The following BAZ2B variants were observed in gnomAD, a reference collection of about 807,000 sequenced individuals.
The protein encoded by BAZ2B is bromodomain adjacent to zinc finger domain 2B, also known as bromodomain adjacent to zinc finger domain protein 2B.
BAZ2B carries 91 observed loss-of-function variants against 246.0 expected under a neutral mutation model. The observed-to-expected ratio is 0.37, with a 90% confidence interval of 0.31 to 0.44. The LOEUF (loss-of-function observed/expected upper bound fraction) is 0.44. Ranked by LOEUF, BAZ2B falls within the 20% of genes least tolerant of loss-of-function variation. The pLI is 1.00. For missense variants in BAZ2B, 2,332 were observed against 2,533.7 expected, an observed-to-expected ratio of 0.92 and a Z score of 1.71; for synonymous variants, 855 against 860.0, an observed-to-expected ratio of 0.99 and a Z score of 0.10.
At chr2:159,706,084 A>AACACACACACACACACACACACACACAC in the BAZ2B span, among the ~76,000 whole-genome samples, 100 of 149,766 alleles carry the variant, frequency 6.7e-4, no homozygotes, top group Non-Finnish European at 1.1e-3. Flanking sequence ...AAACATATAT[A>AACACACACACACACACACACACACACAC]ACACACACAC....
rs1327272762 is a variant in BAZ2B at position 159,480,073 on chromosome 2, T to C, written c.-2-1352A>G. Among the ~76,000 whole-genome samples, 7 of 152,272 alleles carry C rather than the reference T, an allele frequency of 4.6e-5. No individual in the cohort carries two copies. In the East Asian group the frequency reaches 5.8e-4, roughly 13 times the overall value. ...ACAGTAACTAATGAACTCTGAGACA[T>C]GTGGCTGTCTGATGGTAAGGCCCAT... On this transcript the variant is annotated intron_variant, in intron 2 of 36. Transcript: ENST00000392783.
At position 159,438,308 on chromosome 2, in the gene BAZ2B, T is replaced by C; in HGVS notation, c.1288A>G (p.Lys430Glu). ...ATAAATAATTTGTAACTCACCCGTT[T>C]GGATCTCAATTCACTGGTCAATAAA... is the stretch of plus-strand genomic sequence containing the variant. ...SSLLTSELRSKREQYKQAFPS... is the reference protein window; with the variant it reads ...SSLLTSELRSEREQYKQAFPS... Residue 430 changes from lysine to glutamate, a missense_variant, in exon 8 of 37, where the codon AAA becomes GAA. This residue lies in a region of BAZ2B where 651 missense variants were observed against 650.9 expected (regional missense o/e 1.00). Transcript: ENST00000392783. 6.2e-7 allele frequency: 1 copy of C among 1,611,692 alleles called. No individual in the cohort carries two copies. The highest frequency in any genetic ancestry group is 8.5e-7 in the Non-Finnish European group (1 of 1,179,262).
chr2:159,411,262 A>T (rs2066795703), intron 14 of BAZ2B, among the ~76,000 whole-genome samples: 1 of 152,116 alleles, frequency 6.6e-6, no homozygotes, highest in South Asian at 2.1e-4. Context: ...GGCCTCAAAC[A>T]ATCCTCCCAC....
At chr2:159,439,534 A>G (rs1232250594) in intron 6 of BAZ2B, among the ~76,000 whole-genome samples, 1 of 152,234 alleles carries the variant, frequency 6.6e-6, no homozygotes, top group African/African-American at 2.4e-5. Context: ...AATAATTCCA[A>G]CTATGATACA....
intron 4 of BAZ2B, among the ~76,000 whole-genome samples, chr2:159,450,801 CT>C (rs1319027317): frequency 6.6e-6 from 1 of 150,978 alleles, no homozygotes; most frequent in African/African-American, 2.4e-5. Flanking sequence ...GTGCAGTGGC[CT>C]GCTAGGGGCT....
At chr2:159,549,824 C>CTT (rs766811132) in intron 2 of BAZ2B, among the ~76,000 whole-genome samples, 50 of 131,134 alleles carry the variant, frequency 3.8e-4, no homozygotes, top group South Asian at 1.5e-3. Flanking sequence ...TTTTTTCTTT[C>CTT]TTTTTTTTTT....
At chr2:159,440,609 C>T (rs2073215576) in intron 6 of BAZ2B, among the ~76,000 whole-genome samples, 1 of 151,618 alleles carries the variant, frequency 6.6e-6, no homozygotes, top group South Asian at 2.1e-4. Context: ...CTCTGCCTCC[C>T]AGGTTCAAGC....
intron 3 of BAZ2B, among the ~76,000 whole-genome samples, chr2:159,475,265 T>G (rs547181705): frequency 1.6e-4 from 25 of 152,330 alleles, no homozygotes; most frequent in African/African-American, 4.8e-4. Flanking sequence ...TCATTGTTTT[T>G]TCTCTAATCT....
At chr2:159,552,570 C>T (rs1449551050) in intron 2 of BAZ2B, among the ~76,000 whole-genome samples, 1 of 152,132 alleles carries the variant, frequency 6.6e-6, no homozygotes, top group Non-Finnish European at 1.5e-5. Flanking sequence ...GAAGTCACAT[C>T]GCTAGTACAC....
chr2:159,595,333 C>T (rs2151727956), intron 1 of BAZ2B, among the ~76,000 whole-genome samples: 1 of 152,206 alleles, frequency 6.6e-6, no homozygotes, highest in East Asian at 1.9e-4. Context: ...AACTCCTGAT[C>T]TCAGGTGATC....
At chr2:159,420,251 C>T (rs1264010673) in intron 13 of BAZ2B, among the ~76,000 whole-genome samples, 1 of 152,118 alleles carries the variant, frequency 6.6e-6, no homozygotes, top group Non-Finnish European at 1.5e-5. Context: ...CATCTACTTA[C>T]AGAAAAAACT....
the BAZ2B span, among the ~76,000 whole-genome samples, chr2:159,704,434 C>T: frequency 1.3e-5 from 2 of 150,698 alleles, no homozygotes; most frequent in African/African-American, 4.9e-5. Flanking sequence ...ACAGAGTTAC[C>T]ATTTCCTTCC....
rs148298351 is a variant in BAZ2B at position 159,612,805 on chromosome 2, C to A, written c.-46+3437G>T. Among the ~76,000 whole-genome samples the A allele has an allele frequency of 6.3e-3, 963 of 152,172 alleles. 9 individuals are homozygous for A. Among genetic ancestry groups the A allele is most frequent in the African/African-American group, 0.022 (921 of 41,532 alleles). ...GCATCAGAAGGAACAGTTATGCACT[C>A]CCATAAGAAAAAGCAACACATCAGG... On this transcript the variant is annotated intron_variant, in intron 1 of 36. Coordinates refer to ENST00000392783, the MANE Select transcript of BAZ2B (RefSeq NM_013450.4).
chr2:159,489,025 CA>C (rs776775042), intron 2 of BAZ2B, among the ~76,000 whole-genome samples: 9 of 152,064 alleles, frequency 5.9e-5, no homozygotes, highest in Non-Finnish European at 1.3e-4. Flanking sequence ...ATTCACTAAC[CA>C]AAAAGCAAGA....
At chr2:159,611,835 A>G (rs72954376) in intron 1 of BAZ2B, among the ~76,000 whole-genome samples, 9,900 of 151,874 alleles carry the variant, frequency 0.065, 451 homozygotes, top group East Asian at 0.23. Flanking sequence ...GAATTTTTTA[A>G]TGGATGTTTC....
intron 2 of BAZ2B, among the ~76,000 whole-genome samples, chr2:159,493,231 C>T (rs2080697535): frequency 6.6e-6 from 1 of 152,142 alleles, no homozygotes; most frequent in Non-Finnish European, 1.5e-5. Context: ...CCATTAACCA[C>T]ATGCAGAAAA....
the BAZ2B span, among the ~76,000 whole-genome samples, chr2:159,643,348 T>C: frequency 2.6e-5 from 4 of 152,262 alleles, no homozygotes; most frequent in African/African-American, 4.8e-5. Context: ...TAACATGGCA[T>C]AGGGGGAAAG....
rs56003035 is a variant in BAZ2B at position 159,462,319 on chromosome 2, A to C, written c.146-8518T>G. ...TAGCAAAATATCACTCTTGTTTATA[A>C]ATCACTTATTTATCATATGACCACA... is the stretch of plus-strand genomic sequence containing the variant. On this transcript the variant is annotated intron_variant, in intron 3 of 36. Coordinates refer to ENST00000392783, the MANE Select transcript of BAZ2B (RefSeq NM_013450.4). 8.4e-3 allele frequency: 7,130 copies of C among 848,888 alleles called. 320 individuals carry two copies. In the African/African-American group the frequency reaches 0.11, roughly 13 times the overall value. The allele number at this position is 848,888 out of a possible 1,614,324, so 52.6% of individuals were successfully genotyped here.
intron 16 of BAZ2B, among the ~76,000 whole-genome samples, chr2:159,402,597 A>C (rs149251174): frequency 2.0e-5 from 3 of 152,206 alleles, no homozygotes; most frequent in Admixed American, 1.3e-4. Context: ...TGAGAAAAGT[A>C]TACTCTTGAT....
Sources: gnomAD v4.1 joint callset for allele counts (sites outside exome capture counted in the v4.1 genomes callset) on GRCh38, gnomAD v4.1.1 for gene constraint, gnomAD v4.1.1 regional missense constraint, MANE v1.5 for transcripts, NCBI Gene and HGNC (gene_info 2026-07-23, HGNC 2026-07-21) for gene names.